The following LMNTD1 variants were observed in gnomAD, a reference collection of about 807,000 sequenced individuals.
LMNTD1 encodes the protein lamin tail domain containing 1, also known as lamin tail domain-containing protein 1.
A neutral mutation model predicts 50.9 loss-of-function variants in LMNTD1; 35 were observed. The observed-to-expected ratio is 0.69, with a 90% CI of 0.53 to 0.91. LMNTD1 has a LOEUF of 0.91. Ranked by LOEUF, LMNTD1 falls within the 40% of genes least tolerant of loss-of-function variation. The pLI is 0.00. For synonymous variants in LMNTD1, 153 were observed against 161.9 expected (o/e 0.94, Z 0.42); for missense variants, 470 against 475.5 (o/e 0.99, Z 0.11).
At chr12:25,492,744 G>A (rs1384563697) in intron 9 of LMNTD1, among the ~76,000 whole-genome samples, 4 of 152,200 alleles carry the variant, frequency 2.6e-5, no homozygotes, top group Non-Finnish European at 1.5e-5. Context: ...TTTTATAGTG[G>A]AACAAATTCT....
intron 9 of LMNTD1, among the ~76,000 whole-genome samples, chr12:25,486,326 A>G (rs1225357590): frequency 6.6e-6 from 1 of 151,336 alleles, no homozygotes; most frequent in Admixed American, 6.6e-5. Context: ...TTGGTGTATA[A>G]GAATGCTTGT....
In LMNTD1 at chr12:25,622,050, C is replaced by T. The variant is rs1946482684; in HGVS notation, c.58+26444G>A. On this transcript the variant is annotated intron_variant, in intron 1 of 7. Coordinates refer to the LMNTD1 transcript ENST00000445693. ...AGAAATATTTAAATTCTATACCTTT[C>T]AAAAATGATATGATTTGCTGATGGA... 3.3e-5 allele frequency among the ~76,000 whole-genome samples: 5 copies of T among 152,126 alleles called. No individual in the cohort carries two copies. In the South Asian group the frequency reaches 1.0e-3, roughly 31 times the overall value.
rs757322830 is a variant in LMNTD1, at chr12:25,549,501, T to TG, written c.134dup (p.Met47AspfsTer27). 3 of 1,612,848 alleles carry TG rather than the reference T, an allele frequency of 1.9e-6. No individual in the cohort carries two copies. Among genetic ancestry groups the TG allele is most frequent in the African/African-American group, 2.7e-5 (2 of 74,842 alleles). On this transcript the variant is annotated frameshift_variant, in exon 3 of 10. Transcript: ENST00000458174. LOFTEE classifies it high-confidence loss of function. ...TTGTGGCAACTGAACCCAACATCTT[T>TG]GGGGAAAAATGTACTAAAGAATATA...
At chr12:25,527,670 A>ATATATAT (rs1941867296) in intron 4 of LMNTD1, among the ~76,000 whole-genome samples, 2 of 21,394 alleles carry the variant, frequency 9.3e-5, no homozygotes, top group African/African-American at 2.2e-4. Context: ...ATATATATAT[A>ATATATAT]TATATATATA....
At chr12:25,539,292 C>T (rs1296900273) in intron 4 of LMNTD1, among the ~76,000 whole-genome samples, 1 of 151,762 alleles carries the variant, frequency 6.6e-6, no homozygotes, top group Non-Finnish European at 1.5e-5. Context: ...CACCACACCA[C>T]ACCTATTCCA....
chr12:25,539,759 C>A lies in LMNTD1; in HGVS notation c.491+6615G>T, dbSNP rs551970897. 8.0e-5 allele frequency among the ~76,000 whole-genome samples: 10 copies of A among 124,860 alleles called. 2 individuals carry two copies. Among genetic ancestry groups the A allele is most frequent in the Admixed American group, 2.5e-4 (3 of 11,774 alleles). 81.9% of individuals were successfully genotyped at this position (124,860 alleles called of 152,430 possible). On this transcript the variant is annotated intron_variant, in intron 4 of 9. Transcript: ENST00000458174. Reference sequence around the variant, plus strand: ...CTGAAGGAAATAGAGACACAAAAAACCCTTTAAAAAATTAATGAATCCAGG... The same window carrying A: ...CTGAAGGAAATAGAGACACAAAAAAACCTTTAAAAAATTAATGAATCCAGG...
intron 9 of LMNTD1, among the ~76,000 whole-genome samples, chr12:25,479,710 T>C (rs1298689859): frequency 3.3e-5 from 5 of 152,230 alleles, no homozygotes. Context: ...AGAAGTGTTA[T>C]GTGCAGGATA....
intron 1 of LMNTD1, among the ~76,000 whole-genome samples, chr12:25,559,812 T>A (rs1944214965): frequency 6.6e-6 from 1 of 152,262 alleles, no homozygotes. Flanking sequence ...ATGAACATTT[T>A]TTCACGTGTC....
At chr12:25,530,727 A>C (rs1425079789) in intron 4 of LMNTD1, among the ~76,000 whole-genome samples, 8 of 152,098 alleles carry the variant, frequency 5.3e-5, no homozygotes, top group African/African-American at 1.9e-4. Flanking sequence ...CTCTTTTTAG[A>C]CTTTAACCCT....
intron 1 of LMNTD1, among the ~76,000 whole-genome samples, chr12:25,610,753 A>G: frequency 6.6e-6 from 1 of 152,142 alleles, no homozygotes; most frequent in Non-Finnish European, 1.5e-5. Context: ...GTTAAGAAGA[A>G]ACCACAGAAA....
chr12:25,529,234 G>C (rs995751616), intron 4 of LMNTD1, among the ~76,000 whole-genome samples: 1 of 152,020 alleles, frequency 6.6e-6, no homozygotes, highest in South Asian at 2.1e-4. Flanking sequence ...TGATCCCTGG[G>C]ATTCTGTTCT....
chr12:25,552,442 T>C (rs1365544554), intron 2 of LMNTD1, among the ~76,000 whole-genome samples: 2 of 151,662 alleles, frequency 1.3e-5, no homozygotes, highest in African/African-American at 2.4e-5. Context: ...TCGTCTCTAC[T>C]AAAAATACAA....
intron 1 of LMNTD1, among the ~76,000 whole-genome samples, chr12:25,640,182 T>C (rs1256027124): frequency 6.6e-6 from 1 of 152,078 alleles, no homozygotes; most frequent in Non-Finnish European, 1.5e-5. Context: ...CTAACGAGTG[T>C]GAAGTTTCTT....
Position 25,516,099 on chromosome 12 carries a change from TTACTTGATTCAATCAA to T in LMNTD1, c.1189+2680_1189+2695del, listed in dbSNP as rs750281220. Among the ~76,000 whole-genome samples, 683 of 152,276 alleles carry T rather than the reference TTACTTGATTCAATCAA, an allele frequency of 4.5e-3. 3 individuals carry two copies. Among genetic ancestry groups the T allele is most frequent in the South Asian group, 7.9e-3 (38 of 4,824 alleles). On this transcript the variant is annotated intron_variant, in intron 8 of 9. Transcript: ENST00000458174. ...AGGAGATGAACTGGTAATTCAGGGATTACTTGATTCAATCAATCAGCAACCAATCATTCATAACATC... is the reference window on the plus strand; with the variant it reads ...AGGAGATGAACTGGTAATTCAGGGATTCAGCAACCAATCATTCATAACATC...
intron 9 of LMNTD1, among the ~76,000 whole-genome samples, chr12:25,488,653 C>A (rs1163073457): frequency 6.6e-6 from 1 of 151,730 alleles, no homozygotes; most frequent in Non-Finnish European, 1.5e-5. Context: ...ATTCTCCATC[C>A]AGCTTTGTTC....
intron 1 of LMNTD1, among the ~76,000 whole-genome samples, chr12:25,559,042 T>C (rs1944164058): frequency 6.6e-6 from 1 of 151,886 alleles, no homozygotes; most frequent in Non-Finnish European, 1.5e-5. Context: ...ACTTCCTGCA[T>C]AATTATTATA....
At chr12:25,608,158 C>G (rs1946158521) in intron 1 of LMNTD1, among the ~76,000 whole-genome samples, 1 of 151,634 alleles carries the variant, frequency 6.6e-6, no homozygotes, top group East Asian at 1.9e-4. Context: ...GATTGCAACC[C>G]CTGGTTTTTT....
chr12:25,506,641 C>T (rs1019523169), intron 8 of LMNTD1, among the ~76,000 whole-genome samples: 2 of 151,126 alleles, frequency 1.3e-5, no homozygotes, highest in East Asian at 1.9e-4. Context: ...GTTAAAGGGC[C>T]GTTAGCCTTC....
At chr12:25,494,543 T>C (rs556288763) in intron 9 of LMNTD1, among the ~76,000 whole-genome samples, 19 of 152,220 alleles carry the variant, frequency 1.2e-4, no homozygotes, top group African/African-American at 4.6e-4. Flanking sequence ...TTGTCTCTGG[T>C]TTGTCTCCAT....
Sources: gnomAD v4.1 joint callset for allele counts (sites outside exome capture counted in the v4.1 genomes callset) on GRCh38, gnomAD v4.1.1 for gene constraint, MANE v1.5 for transcripts, NCBI Gene and HGNC (gene_info 2026-07-23, HGNC 2026-07-21) for gene names.